Variants in LRRC4C observed in about 807,000 individuals in gnomAD.
LRRC4C encodes leucine rich repeat containing 4C, also known as leucine-rich repeat-containing protein 4C.
A neutral mutation model predicts 33.6 loss-of-function variants in LRRC4C; 5 were observed. The observed-to-expected ratio is 0.15, with a 90% CI of 0.08 to 0.31. LRRC4C has a LOEUF of 0.31. Among genes scored for constraint, LRRC4C ranks in the 10% least tolerant of loss-of-function variants. LRRC4C has a pLI of 1.00. For synonymous variants in LRRC4C, 329 were observed against 302.0 expected (o/e 1.09, Z -0.93); for missense variants, 560 against 796.7 (o/e 0.70, Z 3.58).
At chr11:41,035,604 G>A (rs1857018105) in intron 1 of LRRC4C, among the ~76,000 whole-genome samples, 1 of 152,124 alleles carries the variant, frequency 6.6e-6, no homozygotes, top group South Asian at 2.1e-4. Flanking sequence ...GGACTCTGGG[G>A]AGAGCGTAAC....
At chr11:40,526,112 G>A (rs1054755298) in intron 3 of LRRC4C, among the ~76,000 whole-genome samples, 3 of 151,246 alleles carry the variant, frequency 2.0e-5, no homozygotes, top group East Asian at 3.9e-4. Flanking sequence ...TAACCTAATC[G>A]TGAATTACAT....
At chr11:40,560,290 C>A (rs1389946208) in intron 3 of LRRC4C, among the ~76,000 whole-genome samples, 6 of 152,072 alleles carry the variant, frequency 3.9e-5, no homozygotes, top group Admixed American at 3.3e-4. Flanking sequence ...ATGTACACAG[C>A]ACCAGGCATT....
intron 3 of LRRC4C, among the ~76,000 whole-genome samples, chr11:40,536,013 T>C (rs1003552257): frequency 3.9e-5 from 6 of 152,200 alleles, no homozygotes; most frequent in Admixed American, 3.9e-4. Flanking sequence ...ACCTTTCTAA[T>C]GTCCTGTAAG....
intron 2 of LRRC4C, among the ~76,000 whole-genome samples, chr11:40,672,346 G>A (rs1944171343): frequency 6.6e-6 from 1 of 152,092 alleles, no homozygotes; most frequent in Admixed American, 6.6e-5. Context: ...AAATGCCTCA[G>A]CTCCTAATAC....
intron 3 of LRRC4C, among the ~76,000 whole-genome samples, chr11:40,625,000 C>T (rs1235568136): frequency 6.6e-6 from 1 of 152,040 alleles, no homozygotes; most frequent in Non-Finnish European, 1.5e-5. Flanking sequence ...AAATAGCATT[C>T]ATCAGAGTCC....
At chr11:40,416,906 T>A (rs1202452059) in intron 3 of LRRC4C, among the ~76,000 whole-genome samples, 1 of 152,222 alleles carries the variant, frequency 6.6e-6, no homozygotes, top group African/African-American at 2.4e-5. Flanking sequence ...ATTTGTTGAA[T>A]GAATGAATAA....
chr11:40,205,057 A>T (rs1033786467), intron 5 of LRRC4C, among the ~76,000 whole-genome samples: 2 of 152,222 alleles, frequency 1.3e-5, no homozygotes, highest in African/African-American at 4.8e-5. Flanking sequence ...TATTTTACAC[A>T]TCCTTTAAAT....
chr11:41,296,236 A>G lies in LRRC4C; in HGVS notation c.-496+163195T>C, dbSNP rs375204237. Among the ~76,000 whole-genome samples the G allele has an allele frequency of 4.9e-4, 74 of 152,328 alleles. No individual in the cohort carries two copies. The East Asian group carries it at 8.5e-3, about 17-fold the overall frequency. ...CGATAGGATCTTCCCTGCTTTCACA[A>G]GAAATCCTGGCGGTTGTTCTGAGTC... is the stretch of plus-strand genomic sequence containing the variant. On this transcript the variant is annotated intron_variant, in intron 1 of 6. Coordinates refer to ENST00000528697, the MANE Select transcript of LRRC4C (RefSeq NM_001258419.2).
chr11:40,537,425 C>T (rs950382185), intron 3 of LRRC4C, among the ~76,000 whole-genome samples: 1 of 152,138 alleles, frequency 6.6e-6, no homozygotes, highest in African/African-American at 2.4e-5. Flanking sequence ...AGTCTGGCTC[C>T]CAAGGCCACA....
At chr11:41,321,346 AT>A (rs1438598193) in intron 1 of LRRC4C, among the ~76,000 whole-genome samples, 1 of 152,084 alleles carries the variant, frequency 6.6e-6, no homozygotes, top group Non-Finnish European at 1.5e-5. Context: ...TAAAAAAAAA[AT>A]CTTCACAACT....
intron 3 of LRRC4C, among the ~76,000 whole-genome samples, chr11:40,581,712 G>A (rs1958474512): frequency 6.6e-6 from 1 of 152,052 alleles, no homozygotes; most frequent in African/African-American, 2.4e-5. Context: ...GACCAGCCTG[G>A]CCAGCATGGT....
intron 5 of LRRC4C, among the ~76,000 whole-genome samples, chr11:40,151,544 C>T (rs1858210223): frequency 6.6e-6 from 1 of 152,310 alleles, no homozygotes; most frequent in African/African-American, 2.4e-5. Context: ...TAATGTTTCT[C>T]CCTTGCTAGT....
chr11:41,108,905 G>C (rs889197136), intron 1 of LRRC4C, among the ~76,000 whole-genome samples: 2 of 152,110 alleles, frequency 1.3e-5, no homozygotes, highest in Non-Finnish European at 2.9e-5. Flanking sequence ...ATGAAGAGTT[G>C]CTAGGCAAAA....
At chr11:40,550,032 C>T (rs1399594420) in intron 3 of LRRC4C, among the ~76,000 whole-genome samples, 1 of 152,030 alleles carries the variant, frequency 6.6e-6, no homozygotes, top group Non-Finnish European at 1.5e-5. Context: ...ATATCATCTT[C>T]ACCTCATGTC....
chr11:40,689,112 G>A (rs976293109), intron 2 of LRRC4C, among the ~76,000 whole-genome samples: 1 of 151,942 alleles, frequency 6.6e-6, no homozygotes, highest in Non-Finnish European at 1.5e-5. Context: ...CTGTAGTAGA[G>A]ATTACAATAT....
chr11:41,435,359 A>G (rs768084668), intron 1 of LRRC4C, among the ~76,000 whole-genome samples: 1 of 152,220 alleles, frequency 6.6e-6, no homozygotes, highest in Non-Finnish European at 1.5e-5. Flanking sequence ...TGATAGATAC[A>G]AATCAGGAAT....
At chr11:40,264,001 C>T (rs1020578) in intron 4 of LRRC4C, among the ~76,000 whole-genome samples, 106,399 of 152,100 alleles carry the variant, frequency 0.7, 39,236 homozygotes, top group East Asian at 0.91. Context: ...TCTAAGGCAC[C>T]GGATTGAGAA....
At chr11:40,825,734 A>G (rs1240922597) in intron 2 of LRRC4C, among the ~76,000 whole-genome samples, 3 of 151,752 alleles carry the variant, frequency 2.0e-5, no homozygotes, top group African/African-American at 7.3e-5. Flanking sequence ...CTGACAGAAG[A>G]CACGACATGT....
intron 1 of LRRC4C, among the ~76,000 whole-genome samples, chr11:41,188,282 C>A (rs146743605): frequency 6.6e-5 from 10 of 152,196 alleles, no homozygotes; most frequent in African/African-American, 2.4e-4. Context: ...TGCAGTTAAG[C>A]AACATATTCT....
Sources: allele counts gnomAD v4.1 joint callset (sites outside exome capture counted in the v4.1 genomes callset), GRCh38; gene constraint gnomAD v4.1.1; transcripts MANE v1.5; gene names NCBI Gene and HGNC (gene_info 2026-07-23, HGNC 2026-07-21).